RNF175: variants seen among roughly 807,000 people sequenced by gnomAD.
RNF175 encodes ring finger protein 175.
Under a neutral mutation model 50.0 loss-of-function variants are expected in RNF175, and 38 were observed. That is an observed-to-expected ratio of 0.76 (90% CI 0.59 to 1.00). The LOEUF (loss-of-function observed/expected upper bound fraction) is 1.00. Among genes scored for constraint, RNF175 ranks in the 50% least tolerant of loss-of-function variants. The probability of loss-of-function intolerance (pLI) is 0.00; values close to 1 mark genes in which losing one functional copy is unlikely to be tolerated. For missense variants in RNF175, 388 were observed against 409.6 expected, an observed-to-expected ratio of 0.95 and a Z score of 0.46; for synonymous variants, 155 against 146.1, an observed-to-expected ratio of 1.06 and a Z score of -0.44.
chr4:153,745,475 GA>G (rs1739921079), intron 3 of RNF175, among the ~76,000 whole-genome samples: 6 of 152,192 alleles, frequency 3.9e-5, no homozygotes, highest in Admixed American at 3.9e-4. Flanking sequence ...CTGTGAAAAC[GA>G]AATCTTGCTC....
chr4:153,752,510 A>G (rs890505706), intron 1 of RNF175, among the ~76,000 whole-genome samples: 2 of 152,248 alleles, frequency 1.3e-5, no homozygotes, highest in Non-Finnish European at 2.9e-5. Flanking sequence ...AATATTGCCT[A>G]AACTTATACT....
chr4:153,722,849 T>C (rs996966760), intron 5 of RNF175, among the ~76,000 whole-genome samples: 1 of 152,186 alleles, frequency 6.6e-6, no homozygotes, highest in Non-Finnish European at 1.5e-5. Flanking sequence ...ATGTAATTGA[T>C]ATGAAAATGT....
intron 3 of RNF175, among the ~76,000 whole-genome samples, chr4:153,748,135 A>G (rs1467000544): frequency 6.6e-6 from 1 of 152,212 alleles, no homozygotes; most frequent in Non-Finnish European, 1.5e-5. Flanking sequence ...ACCTCCCAGC[A>G]CTGTTGCATT....
At chr4:153,744,075 A>G (rs937170832) in intron 3 of RNF175, among the ~76,000 whole-genome samples, 7 of 152,206 alleles carry the variant, frequency 4.6e-5, no homozygotes, top group Admixed American at 2.0e-4. Context: ...ACACAAGAGC[A>G]GCTGCTTCAA....
intron 6 of RNF175, among the ~76,000 whole-genome samples, chr4:153,719,971 A>T (rs72731652): frequency 0.17 from 25,933 of 152,290 alleles, 2,852 homozygotes; most frequent in Non-Finnish European, 0.24. Flanking sequence ...TATACATAAG[A>T]CATGTATTTT....
chr4:153,742,759 G>T (rs1486553967), intron 3 of RNF175, among the ~76,000 whole-genome samples: 1 of 151,410 alleles, frequency 6.6e-6, no homozygotes, highest in Non-Finnish European at 1.5e-5. Flanking sequence ...TGTACAGAAA[G>T]CACTTATCAT....
chr4:153,750,892 T>TATTAATCTGTTATATGAGATTAATCA (rs1208955216), intron 2 of RNF175, among the ~76,000 whole-genome samples: 116 of 152,342 alleles, frequency 7.6e-4, no homozygotes, highest in African/African-American at 2.8e-3. Flanking sequence ...GAGATTAATC[T>TATTAATCTGTTATATGAGATTAATCA]ATTAATCTGT....
chr4:153,742,695 C>G (rs1357935482), intron 3 of RNF175, among the ~76,000 whole-genome samples: 1 of 152,064 alleles, frequency 6.6e-6, no homozygotes, highest in Non-Finnish European at 1.5e-5. Flanking sequence ...TTTCTCTGAA[C>G]TATATTTCAC....
chr4:153,756,216 T>C (rs140905638), intron 1 of RNF175, among the ~76,000 whole-genome samples: 2 of 152,354 alleles, frequency 1.3e-5, no homozygotes, highest in Non-Finnish European at 2.9e-5. Context: ...CATGTCCTTT[T>C]TATCCCTGTT....
intron 1 of RNF175, among the ~76,000 whole-genome samples, chr4:153,757,525 A>AG (rs1740623458): frequency 6.6e-6 from 1 of 152,160 alleles, no homozygotes; most frequent in Non-Finnish European, 1.5e-5. Context: ...ACCACATGTG[A>AG]GTGCCAGGTA....
At chr4:153,719,671 A>C (rs1226258320) in intron 6 of RNF175, among the ~76,000 whole-genome samples, 3 of 152,230 alleles carry the variant, frequency 2.0e-5, no homozygotes, top group Non-Finnish European at 4.4e-5. Flanking sequence ...TAGAGTCAGA[A>C]TACATCTAGC....
At chr4:153,750,498 G>T (rs1051614855) in intron 2 of RNF175, among the ~76,000 whole-genome samples, 2 of 152,212 alleles carry the variant, frequency 1.3e-5, no homozygotes, top group Non-Finnish European at 2.9e-5. Flanking sequence ...CAGAATGTCA[G>T]TGCTGGAAGT....
chr4:153,729,133 C>A (rs982728930), intron 3 of RNF175, among the ~76,000 whole-genome samples: 10 of 152,342 alleles, frequency 6.6e-5, no homozygotes, highest in African/African-American at 1.7e-4. Flanking sequence ...CAGCTAGTCA[C>A]CCCTCTTGGG....
intron 2 of RNF175, among the ~76,000 whole-genome samples, chr4:153,750,568 G>A (rs1455796803): frequency 1.3e-5 from 2 of 152,118 alleles, no homozygotes; most frequent in Non-Finnish European, 2.9e-5. Context: ...ATCCATATCA[G>A]GTAAGCAACT....
At chr4:153,745,507 A>G (rs889480945) in intron 3 of RNF175, among the ~76,000 whole-genome samples, 3 of 152,248 alleles carry the variant, frequency 2.0e-5, no homozygotes, top group Admixed American at 6.5e-5. Context: ...AAGTCAGTGC[A>G]GTGTGTGCAT....
At chr4:153,755,066 C>T (rs1740495333) in intron 1 of RNF175, among the ~76,000 whole-genome samples, 1 of 152,256 alleles carries the variant, frequency 6.6e-6, no homozygotes, top group Admixed American at 6.5e-5. Context: ...GAGAATGTGG[C>T]TACACGGGCC....
chr4:153,723,474 TGGG>T lies in RNF175; in HGVS notation c.402-19_402-17del. ...GTAGACCAATCTGTGGAGTGAAAAA[TGGG>T]GAGAAACACAGAACACAGAAACACA... On this transcript the variant is annotated splice_polypyrimidine_tract_variant and intron_variant, in intron 4 of 8. Transcript: ENST00000347063. 8.6e-7 allele frequency: 1 copy of T among 1,163,646 alleles called. No individual in the cohort carries two copies. The highest frequency in any genetic ancestry group is 1.5e-5 in the African/African-American group (1 of 66,408). 72.1% of individuals were successfully genotyped at this position (1,163,646 alleles called of 1,614,324 possible).
intron 2 of RNF175, among the ~76,000 whole-genome samples, chr4:153,750,496 C>T (rs1446251146): frequency 1.3e-5 from 2 of 152,174 alleles, no homozygotes; most frequent in Non-Finnish European, 1.5e-5. Context: ...CTCAGAATGT[C>T]AGTGCTGGAA....
chr4:153,759,827 C>G lies in RNF175; in HGVS notation c.36G>C (p.Pro12=). Residue 12 remains proline (P), a synonymous_variant, in exon 1 of 9, where the codon CCG becomes CCC. Transcript: ENST00000347063. ...CCTGCTGCGGGGGGGCCTCCAGCAC[C>G]GGCGCTGCCTTCCGCGCCGCCGTCC... ...AAGTAARKAA[P]VLEAPPQQEQ... 1 of 1,470,754 alleles carries G rather than the reference C, an allele frequency of 6.8e-7. No individual in the cohort carries two copies. The highest frequency in any genetic ancestry group is 8.9e-7 in the Non-Finnish European group (1 of 1,118,944). 91.1% of individuals were successfully genotyped at this position (1,470,754 alleles called of 1,614,324 possible). A position where few individuals can be genotyped will look rare whatever the true frequency, so the allele number is the denominator to read the frequency against.
Sources: gnomAD v4.1 joint callset for allele counts (sites outside exome capture counted in the v4.1 genomes callset) on GRCh38, gnomAD v4.1.1 for gene constraint, MANE v1.5 for transcripts, NCBI Gene and HGNC (gene_info 2026-07-23, HGNC 2026-07-21) for gene names.